Variants in RORA observed in about 807,000 individuals in gnomAD.
RORA encodes the protein RAR related orphan receptor A.
A neutral mutation model predicts 69.5 loss-of-function variants in RORA; 7 were observed. That is an observed-to-expected ratio of 0.10 (90% CI 0.06 to 0.19). The LOEUF (loss-of-function observed/expected upper bound fraction) is 0.19. Ranked by LOEUF, RORA falls within the 10% of genes least tolerant of loss-of-function variation. The probability of loss-of-function intolerance (pLI) is 1.00; values close to 1 mark genes in which losing one functional copy is unlikely to be tolerated. For synonymous variants in RORA, 261 were observed against 240.8 expected (o/e 1.08, Z -0.78); for missense variants, 457 against 663.0 (o/e 0.69, Z 3.41).
chr15:61,020,131 C>T (rs946322703), intron 1 of RORA, among the ~76,000 whole-genome samples: 7 of 152,192 alleles, frequency 4.6e-5, no homozygotes, highest in African/African-American at 1.4e-4. Context: ...CTTCCAAATC[C>T]TAATGTGGCT....
chr15:60,641,739 T>C (rs1479100578), intron 2 of RORA, among the ~76,000 whole-genome samples: 1 of 152,162 alleles, frequency 6.6e-6, no homozygotes, highest in Non-Finnish European at 1.5e-5. Flanking sequence ...ATTCTATGAT[T>C]CCTTGGACAG....
intron 1 of RORA, among the ~76,000 whole-genome samples, chr15:61,122,339 G>A (rs963173233): frequency 9.2e-5 from 14 of 152,160 alleles, no homozygotes; most frequent in Non-Finnish European, 2.9e-5. Context: ...GGCAGTTTTG[G>A]AAAACTGCAC....
intron 1 of RORA, among the ~76,000 whole-genome samples, chr15:60,792,188 CA>C (rs1282705825): frequency 6.6e-6 from 1 of 152,000 alleles, no homozygotes; most frequent in Non-Finnish European, 1.5e-5. Flanking sequence ...GGCTTAACAG[CA>C]GACTGGAGAT....
chr15:61,033,871 C>G (rs528453864), intron 1 of RORA, among the ~76,000 whole-genome samples: 170 of 150,412 alleles, frequency 1.1e-3, no homozygotes, highest in African/African-American at 4.0e-3. Flanking sequence ...AACTTTGAGA[C>G]CAGCTGGGCA....
rs79805204 is a variant in RORA, at chr15:60,917,644, G to A, written c.167-238958C>T. Among the ~76,000 whole-genome samples, 1,340 of 152,306 alleles carry A rather than the reference G, an allele frequency of 8.8e-3. 24 individuals are homozygous for A. Among genetic ancestry groups the A allele is most frequent in the African/African-American group, 0.031 (1,282 of 41,548 alleles). On this transcript the variant is annotated intron_variant, in intron 1 of 10. Coordinates refer to ENST00000335670, the MANE Select transcript of RORA (RefSeq NM_134261.3). ...CTGTGTTTGCTGGGCCAGAGCCCTC[G>A]CATTGCATAACTGGTGTTTTTCCTG...
At chr15:60,819,971 C>T (rs2072872606) in intron 1 of RORA, among the ~76,000 whole-genome samples, 1 of 152,232 alleles carries the variant, frequency 6.6e-6, no homozygotes, top group Non-Finnish European at 1.5e-5. Flanking sequence ...CCTGCAGATG[C>T]CCCAGGGCAG....
chr15:61,205,849 G>T (rs1029516322), intron 1 of RORA, among the ~76,000 whole-genome samples: 1 of 152,092 alleles, frequency 6.6e-6, no homozygotes, highest in Non-Finnish European at 1.5e-5. Flanking sequence ...GGGCTGTTAC[G>T]GAGACACATT....
At chr15:60,754,075 T>A (rs2071763252) in intron 1 of RORA, among the ~76,000 whole-genome samples, 1 of 152,220 alleles carries the variant, frequency 6.6e-6, no homozygotes, top group Admixed American at 6.5e-5. Context: ...ATGTTTTCAA[T>A]TTTGGCCTCA....
In RORA at chr15:61,153,856, C is replaced by T. The variant is rs982295122; in HGVS notation, c.166+75197G>A. Among the ~76,000 whole-genome samples, 5 of 152,270 alleles carry T rather than the reference C, an allele frequency of 3.3e-5. No homozygotes were observed. The East Asian group carries it at 9.7e-4, about 29-fold the overall frequency. On this transcript the variant is annotated intron_variant, in intron 1 of 10. Coordinates refer to ENST00000335670, the MANE Select transcript of RORA (RefSeq NM_134261.3). The stretch of plus-strand genomic sequence containing the variant: ...CACACAATGACATGGAGGCCCAGGC[C>T]GGAACAGGACGCAGCCATTATCATT...
chr15:61,049,289 A>G (rs887363218), intron 1 of RORA, among the ~76,000 whole-genome samples: 1 of 152,208 alleles, frequency 6.6e-6, no homozygotes, highest in Non-Finnish European at 1.5e-5. Context: ...AGCTCAGCAC[A>G]GAGATGAGCA....
At chr15:60,524,436 G>A (rs1301577469) in intron 3 of RORA, among the ~76,000 whole-genome samples, 2 of 152,182 alleles carry the variant, frequency 1.3e-5, no homozygotes, top group African/African-American at 2.4e-5. Context: ...GAATGACCAA[G>A]CGTAAACTTC....
chr15:60,650,219 A>G (rs1416185097), intron 2 of RORA, among the ~76,000 whole-genome samples: 2 of 152,194 alleles, frequency 1.3e-5, no homozygotes, highest in African/African-American at 2.4e-5. Context: ...GAAAAAAAAA[A>G]AAGTGGAGCT....
intron 1 of RORA, among the ~76,000 whole-genome samples, chr15:60,911,315 T>C (rs1891708878): frequency 6.6e-6 from 1 of 152,082 alleles, no homozygotes; most frequent in African/African-American, 2.4e-5. Context: ...GGTGGACTGA[T>C]GGAATGCCTG....
intron 1 of RORA, among the ~76,000 whole-genome samples, chr15:60,773,403 T>G (rs1040282637): frequency 6.6e-6 from 1 of 152,228 alleles, no homozygotes; most frequent in Non-Finnish European, 1.5e-5. Context: ...GTCCTTTAGC[T>G]CTACATACTT....
At chr15:60,757,025 G>A (rs2071811888) in intron 1 of RORA, among the ~76,000 whole-genome samples, 1 of 152,072 alleles carries the variant, frequency 6.6e-6, no homozygotes, top group South Asian at 2.1e-4. Context: ...TATCTAAAAT[G>A]ACGCATACAT....
intron 1 of RORA, among the ~76,000 whole-genome samples, chr15:60,698,564 T>C (rs943477735): frequency 1.3e-5 from 2 of 152,044 alleles, no homozygotes; most frequent in Admixed American, 1.3e-4. Flanking sequence ...CATAATTACT[T>C]TTTTGGTTAT....
chr15:61,029,797 G>A (rs1346075098), intron 1 of RORA, among the ~76,000 whole-genome samples: 1 of 152,186 alleles, frequency 6.6e-6, no homozygotes, highest in Non-Finnish European at 1.5e-5. Flanking sequence ...GGGAGACAAT[G>A]AGTCTGGTTT....
rs1177983986 is a variant in RORA, at chr15:60,531,004, A to T, written c.282+762T>A. ...ATCTGGGCTTGGGGGGTCTTGAATTATTGGGATAAACATCTCTGTTTCTCA... is the reference window on the plus strand; with the variant it reads ...ATCTGGGCTTGGGGGGTCTTGAATTTTTGGGATAAACATCTCTGTTTCTCA... On this transcript the variant is annotated intron_variant, in intron 3 of 10. Transcript: ENST00000335670. The surrounding 1 kb of genome is among the most constrained non-coding windows in gnomAD (Gnocchi z 4.8). The T allele has an allele frequency of 2.0e-5, 3 of 152,224 alleles. No individual in the cohort carries two copies. Among genetic ancestry groups the T allele is most frequent in the Admixed American group, 6.5e-5 (1 of 15,286 alleles). The allele number at this position is 152,224 out of a possible 1,614,324, so 9.4% of individuals were successfully genotyped here. A position where few individuals can be genotyped will look rare whatever the true frequency, so the allele number is the denominator to read the frequency against.
At chr15:60,831,696 C>G (rs2073044372) in intron 1 of RORA, among the ~76,000 whole-genome samples, 1 of 152,178 alleles carries the variant, frequency 6.6e-6, no homozygotes, top group South Asian at 2.1e-4. Context: ...GCTTTTTCAT[C>G]ACGTCATTTC....
Sources: allele counts gnomAD v4.1 joint callset (sites outside exome capture counted in the v4.1 genomes callset), GRCh38; gene constraint gnomAD v4.1.1; non-coding constraint Gnocchi (gnomAD v3.1); transcripts MANE v1.5; gene names NCBI Gene and HGNC (gene_info 2026-07-23, HGNC 2026-07-21).